The following SLC27A4 variants were observed in gnomAD, a reference collection of about 807,000 sequenced individuals.
SLC27A4 encodes the protein solute carrier family 27 member 4.
SLC27A4 carries 33 observed loss-of-function variants against 64.4 expected under a neutral mutation model. That is an observed-to-expected ratio of 0.51 (90% CI 0.39 to 0.68). SLC27A4 has a LOEUF of 0.68. SLC27A4 is among the 30% of genes least tolerant of loss of function. The pLI is 0.00. For synonymous variants in SLC27A4, 377 were observed against 370.0 expected, an observed-to-expected ratio of 1.02 and a Z score of -0.22; for missense variants, 824 against 883.5, an observed-to-expected ratio of 0.93 and a Z score of 0.85.
At position 128,348,406 on chromosome 9, in the gene SLC27A4, C is replaced by A; in HGVS notation, c.557-139C>A. 4 of 1,022,096 alleles carry A rather than the reference C, an allele frequency of 3.9e-6. No homozygotes were observed. In the Admixed American group the frequency reaches 7.2e-5, roughly 18 times the overall value. The allele number at this position is 1,022,096 out of a possible 1,614,324, so 63.3% of individuals were successfully genotyped here. Reference sequence around the variant, plus strand: ...ACCATTGCCGGTGCCCCTGTCAACACTGAAGGCCCAGTTGCTTCACTGCCT... The same window carrying A: ...ACCATTGCCGGTGCCCCTGTCAACAATGAAGGCCCAGTTGCTTCACTGCCT... On this transcript the variant is annotated intron_variant, in intron 3 of 12. Coordinates refer to ENST00000300456, the MANE Select transcript of SLC27A4 (RefSeq NM_005094.4).
At chr9:128,344,274 T>C (rs1174978374) in intron 2 of SLC27A4, among the ~76,000 whole-genome samples, 2 of 152,084 alleles carry the variant, frequency 1.3e-5, no homozygotes, top group Non-Finnish European at 2.9e-5. Context: ...TCCTAGCACT[T>C]TGGGAGGCCG....
intron 4 of SLC27A4, among the ~76,000 whole-genome samples, chr9:128,349,307 G>A (rs1422166877): frequency 6.6e-6 from 1 of 152,164 alleles, no homozygotes; most frequent in Admixed American, 6.5e-5. Context: ...AGTCAGATCC[G>A]AGTTTATATC....
intron 9 of SLC27A4, among the ~76,000 whole-genome samples, chr9:128,354,093 C>A (rs1346184445): frequency 1.3e-5 from 2 of 152,000 alleles, no homozygotes; most frequent in African/African-American, 2.4e-5. Flanking sequence ...ACAGGCAAAC[C>A]CCACCATGCC....
chr9:128,353,088 A>G lies in SLC27A4; in HGVS notation c.1051A>G (p.Asn351Asp). 6.2e-7 allele frequency: 1 copy of G among 1,614,114 alleles called. No homozygotes were observed. The highest frequency in any genetic ancestry group is 8.5e-7 in the Non-Finnish European group (1 of 1,180,010). Reference sequence around the variant, plus strand: ...GAACCAGCCACCGCGGGAGGCAGAAAACCAGCACCAGGTTCGCATGGCACT... The same window carrying G: ...GAACCAGCCACCGCGGGAGGCAGAAGACCAGCACCAGGTTCGCATGGCACT... ...LLNQPPREAE[N>D]QHQVRMALGN... The change falls in exon 8 of 13, where the codon AAC becomes GAC. Residue 351 changes from asparagine to aspartate, a missense_variant. Transcript: ENST00000300456. This position sits in a 1 kb window ranked among gnomAD's most constrained non-coding sequence, Gnocchi z 4.9.
At chr9:128,346,301 T>G (rs566473814) in intron 3 of SLC27A4, among the ~76,000 whole-genome samples, 31 of 152,078 alleles carry the variant, frequency 2.0e-4, no homozygotes, top group Non-Finnish European at 3.8e-4. Context: ...TGGCGTGATC[T>G]CGGCTCACTG....
chr9:128,355,365 G>A, intron 10 of SLC27A4, 33 bp from the exon 11 acceptor site: 1 of 1,612,526 alleles, frequency 6.2e-7, no homozygotes, highest in South Asian at 1.1e-5. Context: ...GAGCTGGCCA[G>A]GCCCAGCCCT....
At chr9:128,352,583 G>A (rs1832752889) in intron 6 of SLC27A4, 55 bp from the exon 7 acceptor site, 11 of 1,384,950 alleles carry the variant, frequency 7.9e-6, no homozygotes, top group Non-Finnish European at 1.1e-5. Flanking sequence ...ACTGATTTGG[G>A]GCCGGGGAGG....
chr9:128,351,808 C>T (rs1832741120), intron 6 of SLC27A4, among the ~76,000 whole-genome samples: 1 of 151,824 alleles, frequency 6.6e-6, no homozygotes. Flanking sequence ...GTCTCAGCTA[C>T]TGGGAAGGCT....
intron 12 of SLC27A4, among the ~76,000 whole-genome samples, chr9:128,356,739 C>T (rs952070287): frequency 2.4e-5 from 3 of 127,632 alleles, no homozygotes; most frequent in African/African-American, 1.0e-4. Context: ...GTCAGGAGTT[C>T]GAGACCAGCC....
intron 9 of SLC27A4, 66 bp from the exon 10 acceptor site, chr9:128,354,987 A>G: frequency 1.5e-6 from 2 of 1,335,362 alleles, no homozygotes; most frequent in South Asian, 1.2e-5. Context: ...CGCAGGGTAC[A>G]CCTGGTGACA....
chr9:128,354,185 C>G (rs1038991212), intron 9 of SLC27A4, among the ~76,000 whole-genome samples: 43 of 152,016 alleles, frequency 2.8e-4, no homozygotes, highest in African/African-American at 1.0e-3. Context: ...TTCAAGTGAT[C>G]CATCCACCTC....
chr9:128,356,680 C>T (rs1339020838), intron 12 of SLC27A4, among the ~76,000 whole-genome samples: 2 of 151,536 alleles, frequency 1.3e-5, no homozygotes, highest in Admixed American at 6.6e-5. Context: ...TGGTGGCTCA[C>T]GCCTGTAATC....
At chr9:128,343,736 C>G (rs1455378377) in intron 2 of SLC27A4, among the ~76,000 whole-genome samples, 1 of 152,152 alleles carries the variant, frequency 6.6e-6, no homozygotes, top group Admixed American at 6.6e-5. Flanking sequence ...AACCTGCTCC[C>G]CAAAGAAAGC....
rs1345130166 is a variant in SLC27A4, at chr9:128,344,061, G to T, written c.161+768G>T. Among the ~76,000 whole-genome samples the T allele has an allele frequency of 5.3e-5, 8 of 152,314 alleles. No homozygotes were observed. In the East Asian group the frequency reaches 1.5e-3, roughly 29 times the overall value. ...AGGCACGGAGTGGCACACCAGGAAGGGTGGTAGCTGTGGGAGCATGGAGCA... is the reference window on the plus strand; with the variant it reads ...AGGCACGGAGTGGCACACCAGGAAGTGTGGTAGCTGTGGGAGCATGGAGCA... On this transcript the variant is annotated intron_variant, in intron 2 of 12. Coordinates refer to ENST00000300456, the MANE Select transcript of SLC27A4 (RefSeq NM_005094.4).
At chr9:128,340,925 G>C in intron 1 of SLC27A4, 87 bp downstream of exon 1, 2 of 493,766 alleles carry the variant, frequency 4.1e-6, no homozygotes, top group Non-Finnish European at 7.4e-6. Context: ...CCCCAGGTGG[G>C]GGGCGCGCCC....
At chr9:128,354,906 T>C (rs1218497585) in intron 9 of SLC27A4, 147 bp from the exon 10 acceptor site, 5 of 840,418 alleles carry the variant, frequency 5.9e-6, no homozygotes, top group African/African-American at 1.8e-5. Flanking sequence ...TAAGCCAAGA[T>C]TGCACTGCTG....
chr9:128,360,247 G>T (rs1205768386), intron 12 of SLC27A4, 87 bp from the exon 13 acceptor site: 1 of 1,469,132 alleles, frequency 6.8e-7, no homozygotes, highest in Non-Finnish European at 9.5e-7. Flanking sequence ...CTCCAGCCCT[G>T]CTCCCTGCCT....
intron 12 of SLC27A4, 75 bp downstream of exon 12, chr9:128,355,871 G>A (rs1832813547): frequency 6.3e-7 from 1 of 1,593,548 alleles, no homozygotes. Context: ...CCGGTTGGCT[G>A]TTACTTGACC....
intron 3 of SLC27A4, among the ~76,000 whole-genome samples, chr9:128,348,291 G>A (rs1013579693): frequency 1.3e-5 from 2 of 152,184 alleles, no homozygotes; most frequent in Admixed American, 1.3e-4. Context: ...CTGTAAGAGG[G>A]GCTGTCAATG....
Sources: allele counts gnomAD v4.1 joint callset (sites outside exome capture counted in the v4.1 genomes callset), GRCh38; gene constraint gnomAD v4.1.1; non-coding constraint Gnocchi (gnomAD v3.1); transcripts MANE v1.5; gene names NCBI Gene and HGNC (gene_info 2026-07-23, HGNC 2026-07-21).